APBA1: variants seen among roughly 807,000 people sequenced by gnomAD.
APBA1 encodes amyloid beta precursor protein binding family A member 1, also known as amyloid-beta A4 precursor protein-binding family A member 1.
Under a neutral mutation model 86.6 loss-of-function variants are expected in APBA1, and 55 were observed. The observed-to-expected ratio is 0.64, with a 90% CI of 0.51 to 0.80. The LOEUF (loss-of-function observed/expected upper bound fraction) is 0.80. APBA1 is among the 30% of genes least tolerant of loss of function. The pLI is 0.00. For missense variants in APBA1, 1,090 were observed against 1,183.0 expected, an observed-to-expected ratio of 0.92 and a Z score of 1.15; for synonymous variants, 511 against 493.9, an observed-to-expected ratio of 1.03 and a Z score of -0.46.
rs3793607 is a variant in APBA1 at position 69,447,297 on chromosome 9, A to T, written c.2181+2287T>A. ...CCCCTATCCCCGCTCCTCCTCCCCAACCCTTCTAGACTCAGACCAACTCCC... is the reference window on the plus strand; with the variant it reads ...CCCCTATCCCCGCTCCTCCTCCCCATCCCTTCTAGACTCAGACCAACTCCC... On this transcript the variant is annotated intron_variant, in intron 10 of 12. Coordinates refer to ENST00000265381, the MANE Select transcript of APBA1 (RefSeq NM_001163.4). Among the ~76,000 whole-genome samples, 15 of 151,606 alleles carry T rather than the reference A, an allele frequency of 9.9e-5. No homozygotes were observed. In the East Asian group the frequency reaches 2.3e-3, roughly 24 times the overall value.
intron 1 of APBA1, among the ~76,000 whole-genome samples, chr9:69,567,940 T>G (rs1837055423): frequency 6.6e-6 from 1 of 152,114 alleles, no homozygotes; most frequent in East Asian, 1.9e-4. Flanking sequence ...CTTGGGCTTG[T>G]GTTGAGAATC....
At chr9:69,442,040 T>C (rs746532912) in intron 10 of APBA1, among the ~76,000 whole-genome samples, 1 of 152,150 alleles carries the variant, frequency 6.6e-6, no homozygotes, top group Non-Finnish European at 1.5e-5. Flanking sequence ...CTCTGCTGGG[T>C]GGTGGGAAGG....
At chr9:69,462,844 A>C (rs1835212600) in intron 5 of APBA1, 1 of 151,970 alleles carries the variant, frequency 6.6e-6, no homozygotes, top group African/African-American at 2.4e-5. Flanking sequence ...TAAAACACAG[A>C]CTCCTGGGTG....
intron 1 of APBA1, among the ~76,000 whole-genome samples, chr9:69,649,408 C>T (rs1823453216): frequency 6.6e-6 from 1 of 152,180 alleles, no homozygotes. Flanking sequence ...CTGTCTGCTT[C>T]AGACACACCC....
rs1361300011 is a variant in APBA1, at chr9:69,490,940, A to C, written c.1201-14797T>G. Among the ~76,000 whole-genome samples the C allele has an allele frequency of 1.4e-5, 2 of 139,554 alleles. 1 individual carries two copies. Among genetic ancestry groups the C allele is most frequent in the African/African-American group, 6.7e-5 (2 of 29,688 alleles). 91.6% of individuals were successfully genotyped at this position (139,554 alleles called of 152,430 possible). On this transcript the variant is annotated intron_variant, in intron 2 of 12. Coordinates refer to ENST00000265381, the MANE Select transcript of APBA1 (RefSeq NM_001163.4). ...ACACCAGTTAGAATGGCGATCACTA[A>C]AAAGTCAGGAAACAACAGGTGCTAG...
intron 1 of APBA1, among the ~76,000 whole-genome samples, chr9:69,617,609 A>C (rs911008164): frequency 6.6e-6 from 1 of 152,092 alleles, no homozygotes; most frequent in East Asian, 1.9e-4. Context: ...AGGCTTAGGA[A>C]ATTGTTGAGA....
chr9:69,452,977 CT>C (rs1835036863), intron 8 of APBA1, among the ~76,000 whole-genome samples: 1 of 152,202 alleles, frequency 6.6e-6, no homozygotes, highest in Non-Finnish European at 1.5e-5. Context: ...GAAATGTCAA[CT>C]GGAAAGTTTA....
At chr9:69,532,942 ATAACT>A (rs772605739) in intron 1 of APBA1, among the ~76,000 whole-genome samples, 32 of 152,258 alleles carry the variant, frequency 2.1e-4, no homozygotes, top group Admixed American at 5.2e-4. Context: ...ATTGTGTGAA[ATAACT>A]TAAGTACAAG....
chr9:69,629,504 G>C (rs1488896916), intron 1 of APBA1, among the ~76,000 whole-genome samples: 1 of 152,188 alleles, frequency 6.6e-6, no homozygotes, highest in African/African-American at 2.4e-5. Flanking sequence ...ATAAGATGAA[G>C]TCAGAATCCA....
At position 69,430,096 on chromosome 9, in the gene APBA1, T is replaced by C. The variant is rs934945080; in HGVS notation, c.*1231A>G. On this transcript the variant is annotated 3_prime_UTR_variant, in exon 13 of 13. Coordinates refer to ENST00000265381, the MANE Select transcript of APBA1 (RefSeq NM_001163.4). ...GGTGTTTATGGACCACATCTGGGGA[T>C]TCTGAGGCATAACTTGAGGTTGCTA... 1.3e-5 allele frequency: 2 copies of C among 152,240 alleles called. No individual in the cohort carries two copies. Among genetic ancestry groups the C allele is most frequent in the Non-Finnish European group, 2.9e-5 (2 of 68,040 alleles). The allele number at this position is 152,240 out of a possible 1,614,324, so 9.4% of individuals were successfully genotyped here. A position where few individuals can be genotyped will look rare whatever the true frequency, so the allele number is the denominator to read the frequency against.
intron 1 of APBA1, among the ~76,000 whole-genome samples, chr9:69,528,861 G>A (rs1314536501): frequency 6.6e-6 from 1 of 151,962 alleles, no homozygotes; most frequent in South Asian, 2.1e-4. Flanking sequence ...CACTGCCAAA[G>A]GAGATGAAAA....
intron 1 of APBA1, among the ~76,000 whole-genome samples, chr9:69,565,274 A>G (rs1422224984): frequency 6.6e-6 from 1 of 152,012 alleles, no homozygotes; most frequent in East Asian, 1.9e-4. Context: ...CGAGCCCAAA[A>G]GCCTTGGTGT....
intron 1 of APBA1, among the ~76,000 whole-genome samples, chr9:69,613,213 GAAC>G (rs929336522): frequency 4.6e-5 from 7 of 151,386 alleles, no homozygotes; most frequent in African/African-American, 1.7e-4. Context: ...CTCCCTGTTA[GAAC>G]AACAAAGTTT....
intron 4 of APBA1, among the ~76,000 whole-genome samples, chr9:69,468,627 C>T (rs1835318401): frequency 6.6e-6 from 1 of 152,252 alleles, no homozygotes; most frequent in African/African-American, 2.4e-5. Context: ...TTATAATGTT[C>T]TTGGCCTGTG....
intron 1 of APBA1, among the ~76,000 whole-genome samples, chr9:69,594,165 T>C (rs941504187): frequency 4.6e-5 from 7 of 152,126 alleles, no homozygotes; most frequent in African/African-American, 1.4e-4. Flanking sequence ...TCTGGGACCA[T>C]CTATGTCATA....
rs146483041 is a variant in APBA1 at position 69,466,032 on chromosome 9, C to T, written c.1482+1791G>A. The stretch of plus-strand genomic sequence containing the variant: ...TTGAGGCAGTTGCAAATCACTCCTC[C>T]CTGGTTTATAAAAACATCGTAGTCA... On this transcript the variant is annotated intron_variant, in intron 5 of 12. Transcript: ENST00000265381. Among the ~76,000 whole-genome samples the T allele has an allele frequency of 2.7e-3, 415 of 152,276 alleles. 2 individuals carry two copies. Among genetic ancestry groups the T allele is most frequent in the African/African-American group, 9.4e-3 (391 of 41,556 alleles).
At chr9:69,645,169 T>C (rs1823366579) in intron 1 of APBA1, among the ~76,000 whole-genome samples, 1 of 152,156 alleles carries the variant, frequency 6.6e-6, no homozygotes, top group Non-Finnish European at 1.5e-5. Flanking sequence ...GAGAAATTAG[T>C]CGAGGGGTTG....
chr9:69,659,859 T>C (rs1823716162), intron 1 of APBA1, among the ~76,000 whole-genome samples: 3 of 152,374 alleles, frequency 2.0e-5, no homozygotes, highest in Admixed American at 1.3e-4. Flanking sequence ...GGAAAATTAA[T>C]ATATTTTGGC....
At chr9:69,514,675 G>A (rs1193350694) in intron 2 of APBA1, among the ~76,000 whole-genome samples, 2 of 152,128 alleles carry the variant, frequency 1.3e-5, no homozygotes, top group Admixed American at 6.5e-5. Flanking sequence ...TGGGGAGGCC[G>A]AGGTGAGTGG....
Sources: allele counts gnomAD v4.1 joint callset (sites outside exome capture counted in the v4.1 genomes callset), GRCh38; gene constraint gnomAD v4.1.1; transcripts MANE v1.5; gene names NCBI Gene and HGNC (gene_info 2026-07-23, HGNC 2026-07-21).